EPB41L5: variants seen among roughly 807,000 people sequenced by gnomAD.
The protein encoded by EPB41L5 is erythrocyte membrane protein band 4.1 like 5.
EPB41L5 carries 55 observed loss-of-function variants against 106.6 expected under a neutral mutation model. The observed-to-expected ratio is 0.52, with a 90% CI of 0.42 to 0.65. The LOEUF (loss-of-function observed/expected upper bound fraction) is 0.65. EPB41L5 is among the 30% of genes least tolerant of loss of function. EPB41L5 has a pLI of 0.00. For synonymous variants in EPB41L5, 297 were observed against 306.7 expected, an observed-to-expected ratio of 0.97 and a Z score of 0.33; for missense variants, 871 against 882.1, an observed-to-expected ratio of 0.99 and a Z score of 0.16.
chr2:120,175,418 C>CT lies in EPB41L5; in HGVS notation c.*525dup, dbSNP rs34620344. On this transcript the variant is annotated 3_prime_UTR_variant, in exon 25 of 25. Transcript: ENST00000263713. ...ACTATAAAGGCAGACTTAGGGCCAA[C>CT]TTTTTTTTTTTTTTACAATTATTAC... 3,667 of 143,564 alleles carry CT rather than the reference C, an allele frequency of 0.026. 59 individuals are homozygous for CT. Among genetic ancestry groups the CT allele is most frequent in the African/African-American group, 0.047 (1,826 of 39,170 alleles). The allele number at this position is 143,564 out of a possible 1,614,324, so 8.9% of individuals were successfully genotyped here. A position where few individuals can be genotyped will look rare whatever the true frequency, so the allele number is the denominator to read the frequency against.
chr2:120,073,385 G>A (rs1482929754), intron 4 of EPB41L5, among the ~76,000 whole-genome samples, 165 bp downstream of exon 4: 1 of 152,122 alleles, frequency 6.6e-6, no homozygotes, highest in Non-Finnish European at 1.5e-5. Flanking sequence ...CCCAAGTCAT[G>A]TAGGCTTGAT....
intron 2 of EPB41L5, among the ~76,000 whole-genome samples, chr2:120,030,380 C>A (rs1321521695): frequency 3.3e-5 from 5 of 152,152 alleles, no homozygotes; most frequent in Admixed American, 6.5e-5. Flanking sequence ...ATTTTGCAGA[C>A]CCTGCACTGG....
At position 120,175,210 on chromosome 2, in the gene EPB41L5, C is replaced by T. The variant is rs1012693466; in HGVS notation, c.*303C>T. On this transcript the variant is annotated 3_prime_UTR_variant, in exon 25 of 25. Transcript: ENST00000263713. ...GGTTTCCTTCAAACTCTTGGCTCCA[C>T]CTAGCGGTTCTATTTGTTCATAACA... 2 of 340,604 alleles carry T rather than the reference C, an allele frequency of 5.9e-6. No homozygotes were observed. The highest frequency in any genetic ancestry group is 4.1e-5 in the African/African-American group (2 of 48,528). 21.1% of individuals were successfully genotyped at this position (340,604 alleles called of 1,614,324 possible).
chr2:120,144,827 G>T (rs1574750900), intron 19 of EPB41L5, among the ~76,000 whole-genome samples: 2 of 152,252 alleles, frequency 1.3e-5, no homozygotes, highest in East Asian at 1.9e-4. Flanking sequence ...ACCAAGTAGG[G>T]TTTATCTTGG....
rs1683116042 is a variant in EPB41L5, at chr2:120,087,182, C to T, written c.815C>T (p.Thr272Ile). 2.5e-6 allele frequency: 4 copies of T among 1,582,496 alleles called. No homozygotes were observed. The highest frequency in any genetic ancestry group is 1.7e-5 in the Admixed American group (1 of 59,282). The change falls in exon 11 of 25, where the codon ACC becomes ATC. Residue 272 changes from threonine to isoleucine, a missense_variant. Coordinates refer to ENST00000263713, the MANE Select transcript of EPB41L5 (RefSeq NM_020909.4). The part of the protein sequence containing the change: ...KIGLFFWPKI[T>I]RLDFKKNKLT... The stretch of plus-strand genomic sequence containing the variant: ...TTATTATATTATAGGCCGAAGATAA[C>T]CAGATTGGATTTTAAGAAGAATAAA...
At chr2:120,081,743 A>G (rs1185849725) in intron 10 of EPB41L5, among the ~76,000 whole-genome samples, 3 of 152,220 alleles carry the variant, frequency 2.0e-5, no homozygotes, top group Non-Finnish European at 4.4e-5. Flanking sequence ...ATCCATGAGC[A>G]TGGAATGTTC....
At position 120,074,153 on chromosome 2, in the gene EPB41L5, A is replaced by G; in HGVS notation, c.382A>G (p.Asn128Asp). 1.2e-6 allele frequency: 2 copies of G among 1,613,000 alleles called. No homozygotes were observed. Among genetic ancestry groups the G allele is most frequent in the Non-Finnish European group, 1.7e-6 (2 of 1,179,400 alleles). The part of the protein sequence containing the change: ...LRVKFYSSEP[N>D]NLREELTRYL... ...AGTTAAGTTTTATTCCTCAGAACCA[A>G]ATAACCTTCGTGAGGAGCTAACCCG... Residue 128 changes from asparagine to aspartate, a missense_variant, in exon 5 of 25, where the codon AAT (asparagine) becomes GAT (aspartate). Physicochemically the swap from Asn to Asp is conservative, Grantham distance 23. Coordinates refer to ENST00000263713, the MANE Select transcript of EPB41L5 (RefSeq NM_020909.4).
At chr2:120,061,047 T>TTTTTTTTG (rs1681019661) in intron 3 of EPB41L5, among the ~76,000 whole-genome samples, 1 of 122,120 alleles carries the variant, frequency 8.2e-6, no homozygotes, top group African/African-American at 3.1e-5. Context: ...TTTTTTTTTT[T>TTTTTTTTG]TTTTTTTTTT....
intron 11 of EPB41L5, among the ~76,000 whole-genome samples, chr2:120,087,803 ATTAACT>A (rs1281243430): frequency 8.2e-5 from 12 of 146,286 alleles, no homozygotes; most frequent in Admixed American, 7.5e-4. Flanking sequence ...TTATCTCTTT[ATTAACT>A]GATCAAAAAG....
chr2:120,139,291 A>G (rs573948976), intron 18 of EPB41L5, among the ~76,000 whole-genome samples: 140 of 152,214 alleles, frequency 9.2e-4, no homozygotes, highest in African/African-American at 3.2e-3. Context: ...ATAATATCCC[A>G]AAAGCATAGG....
chr2:120,164,730 A>G (rs1299448322), intron 21 of EPB41L5, 106 bp from the exon 22 acceptor site: 1 of 696,328 alleles, frequency 1.4e-6, no homozygotes, highest in Non-Finnish European at 2.5e-6. Context: ...AAGGATTAAC[A>G]CTAATCAGGC....
chr2:120,067,796 TAATA>T (rs1487208224), intron 3 of EPB41L5, among the ~76,000 whole-genome samples: 1 of 152,196 alleles, frequency 6.6e-6, no homozygotes, highest in African/African-American at 2.4e-5. Context: ...TATAATCTGC[TAATA>T]AATTTTACAT....
At chr2:120,171,016 A>T (rs1687649868) in intron 24 of EPB41L5, among the ~76,000 whole-genome samples, 1 of 152,192 alleles carries the variant, frequency 6.6e-6, no homozygotes, top group African/African-American at 2.4e-5. Context: ...AGTAATTTTT[A>T]AAAATGATGA....
At chr2:120,039,247 T>C (rs954926841) in intron 2 of EPB41L5, among the ~76,000 whole-genome samples, 1 of 151,932 alleles carries the variant, frequency 6.6e-6, no homozygotes, top group Non-Finnish European at 1.5e-5. Flanking sequence ...ACAGAAAGTA[T>C]TAATGGGAGA....
chr2:120,106,809 G>A (rs924028739), intron 16 of EPB41L5: 5 of 985,170 alleles, frequency 5.1e-6, no homozygotes, highest in African/African-American at 1.7e-5. Context: ...TTTCAAAGGC[G>A]TTTACCTATC....
chr2:120,038,804 C>T (rs571875775), intron 2 of EPB41L5, among the ~76,000 whole-genome samples: 1 of 152,124 alleles, frequency 6.6e-6, no homozygotes, highest in East Asian at 1.9e-4. Context: ...AGCATATGAC[C>T]CAGCACTTTC....
At chr2:120,057,066 T>C (rs902361312) in intron 3 of EPB41L5, among the ~76,000 whole-genome samples, 5 of 152,050 alleles carry the variant, frequency 3.3e-5, no homozygotes, top group African/African-American at 1.2e-4. Flanking sequence ...GCTAATTCTT[T>C]ATTTTTTTGT....
intron 10 of EPB41L5, among the ~76,000 whole-genome samples, chr2:120,086,948 C>T (rs1333355826): frequency 1.3e-5 from 2 of 152,132 alleles, no homozygotes; most frequent in Admixed American, 1.3e-4. Flanking sequence ...TTTTTAATGT[C>T]TGATATGTGC....
At chr2:120,126,950 T>C (rs995892404) in intron 16 of EPB41L5, among the ~76,000 whole-genome samples, 1 of 152,206 alleles carries the variant, frequency 6.6e-6, no homozygotes, top group African/African-American at 2.4e-5. Context: ...TGATTTTCAG[T>C]GTACAAGTCA....
Sources: allele counts gnomAD v4.1 joint callset (sites outside exome capture counted in the v4.1 genomes callset), GRCh38; gene constraint gnomAD v4.1.1; transcripts MANE v1.5; gene names NCBI Gene and HGNC (gene_info 2026-07-23, HGNC 2026-07-21).